Variants in SAMD4A observed in about 807,000 individuals in gnomAD.
The protein encoded by SAMD4A is sterile alpha motif domain containing 4A.
Under a neutral mutation model 81.3 loss-of-function variants are expected in SAMD4A, and 33 were observed. That is an observed-to-expected ratio of 0.41 (90% CI 0.31 to 0.54). The LOEUF (loss-of-function observed/expected upper bound fraction) is 0.54, where lower values mean the gene tolerates loss of function less well. Ranked by LOEUF, SAMD4A falls within the 20% of genes least tolerant of loss-of-function variation. The pLI is 0.37. For synonymous variants in SAMD4A, 389 were observed against 382.1 expected (o/e 1.02, Z -0.21); for missense variants, 854 against 951.1 (o/e 0.90, Z 1.34).
intron 7 of SAMD4A, among the ~76,000 whole-genome samples, chr14:54,761,964 C>G (rs1366465913): frequency 6.6e-6 from 1 of 152,168 alleles, no homozygotes; most frequent in Non-Finnish European, 1.5e-5. Flanking sequence ...TACTCAATAC[C>G]CTGCTTTTGT....
chr14:54,784,181 T>G, intron 11 of SAMD4A: 1 of 620,870 alleles, frequency 1.6e-6, no homozygotes, highest in African/African-American at 1.8e-5. Flanking sequence ...GAGAGCTGTA[T>G]GAGGGTACAG....
intron 9 of SAMD4A, among the ~76,000 whole-genome samples, chr14:54,774,229 C>CTGTT (rs377647794): frequency 1.4e-4 from 22 of 152,362 alleles, no homozygotes; most frequent in Admixed American, 9.8e-4. Flanking sequence ...GGATTACGCG[C>CTGTT]TGTTTTACTT....
chr14:54,752,913 G>A (rs1253090250), intron 6 of SAMD4A, among the ~76,000 whole-genome samples: 5 of 152,360 alleles, frequency 3.3e-5, no homozygotes, highest in South Asian at 2.1e-4. Flanking sequence ...ATGACTGGAC[G>A]TACACGTAAG....
At chr14:54,573,392 G>A (rs1369946757) in intron 2 of SAMD4A, among the ~76,000 whole-genome samples, 5 of 152,274 alleles carry the variant, frequency 3.3e-5, no homozygotes, top group African/African-American at 1.2e-4. Context: ...GAGGGTTGAA[G>A]GGCTGAAAGT....
chr14:54,576,355 T>C (rs1188165966), intron 2 of SAMD4A, among the ~76,000 whole-genome samples: 2 of 152,138 alleles, frequency 1.3e-5, no homozygotes, highest in African/African-American at 2.4e-5. Context: ...TGAAGAGTGG[T>C]AAATGAATGG....
intron 2 of SAMD4A, among the ~76,000 whole-genome samples, chr14:54,622,599 C>T (rs2034644667): frequency 6.6e-6 from 1 of 152,220 alleles, no homozygotes; most frequent in Non-Finnish European, 1.5e-5. Flanking sequence ...GTGTGAAGAG[C>T]AGTGATTTGG....
chr14:54,752,669 A>G (rs1349629107), intron 6 of SAMD4A, among the ~76,000 whole-genome samples: 1 of 152,234 alleles, frequency 6.6e-6, no homozygotes, highest in Non-Finnish European at 1.5e-5. Flanking sequence ...AGAGACTGAG[A>G]AAAGAAATAA....
intron 2 of SAMD4A, among the ~76,000 whole-genome samples, chr14:54,691,157 C>G (rs532118114): frequency 3.9e-5 from 6 of 152,322 alleles, no homozygotes; most frequent in African/African-American, 1.4e-4. Flanking sequence ...TTTCTGCTCC[C>G]CCTTACCTTT....
At chr14:54,595,429 AT>A (rs762230441) in intron 2 of SAMD4A, among the ~76,000 whole-genome samples, 31 of 148,134 alleles carry the variant, frequency 2.1e-4, no homozygotes, top group East Asian at 1.9e-3. Flanking sequence ...TTATATATAT[AT>A]TATTATAATA....
chr14:54,632,275 T>C (rs2034922103), intron 2 of SAMD4A, among the ~76,000 whole-genome samples: 1 of 152,260 alleles, frequency 6.6e-6, no homozygotes, highest in Admixed American at 6.5e-5. Context: ...TTTTTCCTTT[T>C]GGAAATCTCA....
At chr14:54,573,059 AAAG>A (rs1365537284) in intron 2 of SAMD4A, among the ~76,000 whole-genome samples, 6 of 152,340 alleles carry the variant, frequency 3.9e-5, no homozygotes, top group African/African-American at 1.4e-4. Context: ...GTGAATGTGA[AAAG>A]AAGAAATCAT....
intron 2 of SAMD4A, among the ~76,000 whole-genome samples, chr14:54,672,470 G>A (rs777838809): frequency 1.3e-5 from 2 of 152,114 alleles, no homozygotes; most frequent in Admixed American, 6.5e-5. Flanking sequence ...CTGGAATTCC[G>A]TAAGACTTCA....
At chr14:54,606,965 C>T (rs1304334104) in intron 2 of SAMD4A, among the ~76,000 whole-genome samples, 4 of 152,236 alleles carry the variant, frequency 2.6e-5, no homozygotes, top group Non-Finnish European at 5.9e-5. Context: ...GAGCAGGGTG[C>T]AGCCTGCCAG....
At chr14:54,639,720 T>C (rs1430459013) in intron 2 of SAMD4A, among the ~76,000 whole-genome samples, 1 of 152,050 alleles carries the variant, frequency 6.6e-6, no homozygotes, top group Non-Finnish European at 1.5e-5. Context: ...CACTGTACTG[T>C]CATTTCTCCT....
chr14:54,603,982 G>A (rs1276347701), intron 2 of SAMD4A, among the ~76,000 whole-genome samples: 2 of 152,044 alleles, frequency 1.3e-5, no homozygotes, highest in Non-Finnish European at 2.9e-5. Context: ...GTGCCACCAT[G>A]CCCGGCTAAT....
At chr14:54,721,231 G>T (rs2037254912) in intron 3 of SAMD4A, among the ~76,000 whole-genome samples, 1 of 152,136 alleles carries the variant, frequency 6.6e-6, no homozygotes, top group African/African-American at 2.4e-5. Context: ...AACTCTGGCT[G>T]GCATATTGTA....
chr14:54,757,423 GTGTGTTT>G (rs775825459), intron 6 of SAMD4A, among the ~76,000 whole-genome samples: 1 of 135,432 alleles, frequency 7.4e-6, no homozygotes, highest in Admixed American at 7.6e-5. Context: ...GTGTGTGTGT[GTGTGTTT>G]TGTTTTGTTT....
intron 6 of SAMD4A, among the ~76,000 whole-genome samples, chr14:54,757,383 TTGTGTGTGTGTG>T (rs3051653): frequency 0.012 from 1,619 of 140,150 alleles, 33 homozygotes; most frequent in African/African-American, 0.041. Flanking sequence ...GTTTCTTTAT[TTGTGTGTGTGTG>T]TGTGTGTGTG....
chr14:54,667,437 G>A (rs1298120088), intron 2 of SAMD4A, among the ~76,000 whole-genome samples: 4 of 152,130 alleles, frequency 2.6e-5, no homozygotes, highest in Non-Finnish European at 5.9e-5. Context: ...AAAGTTCCAG[G>A]TACAGGGAAG....
Sources: allele counts gnomAD v4.1 joint callset (sites outside exome capture counted in the v4.1 genomes callset), GRCh38; gene constraint gnomAD v4.1.1; transcripts MANE v1.5; gene names NCBI Gene and HGNC (gene_info 2026-07-23, HGNC 2026-07-21).